SOX6: variants seen among roughly 807,000 people sequenced by gnomAD.
SOX6 encodes transcription factor SOX-6.
In SOX6, 11 loss-of-function variants were observed where a neutral mutation model predicts 97.8. That is an observed-to-expected ratio of 0.11 (90% confidence interval 0.07 to 0.19). SOX6 has a LOEUF of 0.19. Ranked by LOEUF, SOX6 falls within the 10% of genes least tolerant of loss-of-function variation. The pLI, the probability that SOX6 is intolerant of heterozygous loss-of-function variation, is 1.00. For synonymous variants in SOX6, 360 were observed against 371.4 expected (o/e 0.97, Z 0.35); for missense variants, 810 against 1,039.5 (o/e 0.78, Z 3.04).
chr11:15,984,249 G>A lies in SOX6; in HGVS notation c.2183+1955C>T, dbSNP rs765660777. 5.9e-5 allele frequency among the ~76,000 whole-genome samples: 9 copies of A among 152,228 alleles called. No homozygotes were observed. In the South Asian group the frequency reaches 1.5e-3, roughly 25 times the overall value. On this transcript the variant is annotated intron_variant, in intron 15 of 15. Transcript: ENST00000683767. ...TGTTGTGGTATTTTGATCTAGAGCT[G>A]TTTTAATGTACCCTTTAGTAAAGGG... is the stretch of plus-strand genomic sequence containing the variant.
intron 1 of SOX6, among the ~76,000 whole-genome samples, chr11:16,468,653 T>C (rs763401444): frequency 6.6e-6 from 1 of 152,206 alleles, no homozygotes; most frequent in Non-Finnish European, 1.5e-5. Context: ...GAGGTCATGG[T>C]AAAACATTCA....
intron 1 of SOX6, among the ~76,000 whole-genome samples, chr11:16,373,259 G>A (rs1857540942): frequency 6.6e-6 from 1 of 152,022 alleles, no homozygotes; most frequent in South Asian, 2.1e-4. Flanking sequence ...TTCACGATAT[G>A]CAGTTCTATA....
intron 15 of SOX6, among the ~76,000 whole-genome samples, chr11:15,974,846 C>T (rs1564888310): frequency 6.6e-6 from 1 of 152,110 alleles, no homozygotes; most frequent in East Asian, 1.9e-4. Context: ...TTCAGGTATA[C>T]CAACTCACCC....
chr11:16,046,145 T>C (rs1405329629), intron 12 of SOX6, among the ~76,000 whole-genome samples: 1 of 152,234 alleles, frequency 6.6e-6, no homozygotes, highest in African/African-American at 2.4e-5. Context: ...TGAGTCATGG[T>C]AACATATTAG....
At chr11:16,540,483 G>A (rs1196954279) in intron 4 of SOX6, among the ~76,000 whole-genome samples, 3 of 152,022 alleles carry the variant, frequency 2.0e-5, no homozygotes, top group East Asian at 3.9e-4. Context: ...CAATCAGGCA[G>A]GAGAAGGAAA....
intron 3 of SOX6, among the ~76,000 whole-genome samples, chr11:16,701,511 T>G (rs1265078884): frequency 6.6e-6 from 1 of 152,108 alleles, no homozygotes; most frequent in African/African-American, 2.4e-5. Flanking sequence ...AAAACCAATA[T>G]GGAAGAATAT....
At chr11:16,609,692 T>C (rs1302441523) in intron 4 of SOX6, among the ~76,000 whole-genome samples, 2 of 152,170 alleles carry the variant, frequency 1.3e-5, no homozygotes, top group African/African-American at 4.8e-5. Context: ...ATACTCCATG[T>C]TGGTTTCACA....
intron 1 of SOX6, among the ~76,000 whole-genome samples, chr11:16,451,853 T>C (rs1316411958): frequency 1.3e-5 from 2 of 151,946 alleles, no homozygotes; most frequent in African/African-American, 4.8e-5. Flanking sequence ...GGCAACATAG[T>C]GAAACCCCAC....
intron 6 of SOX6, 85 bp downstream of exon 6, chr11:16,183,801 G>A: frequency 1.7e-6 from 2 of 1,194,022 alleles, no homozygotes; most frequent in Non-Finnish European, 2.5e-6. Context: ...TATAAGACAG[G>A]GGTACATCTG....
chr11:16,189,509 G>A (rs1346149169), intron 4 of SOX6, among the ~76,000 whole-genome samples: 2 of 152,030 alleles, frequency 1.3e-5, no homozygotes, highest in South Asian at 4.2e-4. Context: ...TGAAACTTGA[G>A]CAAGGAAAAT....
chr11:16,696,463 C>G (rs1035543531), intron 3 of SOX6, among the ~76,000 whole-genome samples: 7 of 152,014 alleles, frequency 4.6e-5, no homozygotes, highest in Admixed American at 3.9e-4. Flanking sequence ...ATAGGCATAC[C>G]TTCAGAGATA....
chr11:16,589,296 A>G (rs929962305), intron 4 of SOX6, among the ~76,000 whole-genome samples: 1 of 152,162 alleles, frequency 6.6e-6, no homozygotes, highest in Non-Finnish European at 1.5e-5. Context: ...CAGTATATTT[A>G]TTTATTTTAA....
chr11:16,028,618 A>T (rs1855273371), intron 12 of SOX6, among the ~76,000 whole-genome samples: 1 of 152,194 alleles, frequency 6.6e-6, no homozygotes, highest in Non-Finnish European at 1.5e-5. Context: ...TGCAGTCTCA[A>T]AAAATGTGCT....
chr11:16,648,317 C>T (rs916833274), intron 3 of SOX6, among the ~76,000 whole-genome samples: 2 of 152,048 alleles, frequency 1.3e-5, no homozygotes, highest in African/African-American at 4.8e-5. Flanking sequence ...AGAATCACCC[C>T]CCAACCCTCA....
intron 4 of SOX6, among the ~76,000 whole-genome samples, chr11:16,518,070 AG>A (rs1861002007): frequency 1.3e-5 from 2 of 152,132 alleles, no homozygotes; most frequent in Non-Finnish European, 2.9e-5. Context: ...TCATGTCACT[AG>A]TATGTTCAAA....
intron 3 of SOX6, among the ~76,000 whole-genome samples, chr11:16,682,503 C>T (rs938650527): frequency 1.3e-5 from 2 of 152,178 alleles, no homozygotes; most frequent in Admixed American, 6.5e-5. Flanking sequence ...ATTATCTCAA[C>T]AGATGCAGAA....
intron 15 of SOX6, among the ~76,000 whole-genome samples, chr11:15,982,729 A>G (rs1853701231): frequency 6.6e-6 from 1 of 152,242 alleles, no homozygotes; most frequent in African/African-American, 2.4e-5. Context: ...ACCTAACTAC[A>G]TAGTGTACTT....
At chr11:16,529,713 T>C (rs1183312007) in intron 4 of SOX6, among the ~76,000 whole-genome samples, 2 of 152,086 alleles carry the variant, frequency 1.3e-5, no homozygotes, top group Non-Finnish European at 2.9e-5. Context: ...AATTGGTGCA[T>C]AAATAATGTA....
intron 6 of SOX6, among the ~76,000 whole-genome samples, chr11:16,170,012 C>A (rs1393194922): frequency 6.6e-6 from 1 of 151,898 alleles, no homozygotes; most frequent in Non-Finnish European, 1.5e-5. Context: ...GAGTAATTAG[C>A]CTTTTAGCAT....
Sources: gnomAD v4.1 joint callset for allele counts (sites outside exome capture counted in the v4.1 genomes callset) on GRCh38, gnomAD v4.1.1 for gene constraint, MANE v1.5 for transcripts, NCBI Gene and HGNC (gene_info 2026-07-23, HGNC 2026-07-21) for gene names.